Variants in STAG1 observed in about 807,000 individuals in gnomAD.
The protein encoded by STAG1 is cohesin subunit SA-1.
STAG1 carries 26 observed loss-of-function variants against 170.9 expected under a neutral mutation model. The ratio of observed to expected loss-of-function variants is 0.15; its 90% CI spans 0.11 to 0.21. The LOEUF (loss-of-function observed/expected upper bound fraction) is 0.21, where lower values mean the gene tolerates loss of function less well. STAG1 is among the 10% of genes least tolerant of loss of function. STAG1 has a pLI of 1.00. For synonymous variants in STAG1, 514 were observed against 497.7 expected (o/e 1.03, Z -0.44); for missense variants, 964 against 1,509.5 (o/e 0.64, Z 5.99).
intron 15 of STAG1, among the ~76,000 whole-genome samples, chr3:136,435,129 T>C (rs2088418222): frequency 6.6e-6 from 1 of 152,222 alleles, no homozygotes; most frequent in Non-Finnish European, 1.5e-5. Context: ...TTCAACCAAC[T>C]TGAATATATA....
intron 22 of STAG1, among the ~76,000 whole-genome samples, chr3:136,394,130 T>A (rs2087084872): frequency 6.6e-6 from 1 of 152,126 alleles, no homozygotes; most frequent in Admixed American, 6.6e-5. Flanking sequence ...ATAATCTCTA[T>A]CTCTTGACCT....
At chr3:136,453,446 C>A (rs2089005069) in intron 13 of STAG1, among the ~76,000 whole-genome samples, 1 of 151,884 alleles carries the variant, frequency 6.6e-6, no homozygotes, top group African/African-American at 2.4e-5. Context: ...AAAAAATTAG[C>A]CGGGCGTGGT....
chr3:136,746,725 G>C (rs1463080380), intron 1 of STAG1, among the ~76,000 whole-genome samples: 1 of 152,170 alleles, frequency 6.6e-6, no homozygotes, highest in Non-Finnish European at 1.5e-5. Flanking sequence ...AAGGCAAGCA[G>C]ACTGCCTGAG....
intron 14 of STAG1, among the ~76,000 whole-genome samples, chr3:136,445,468 A>T (rs1217104363): frequency 6.6e-6 from 1 of 152,220 alleles, no homozygotes; most frequent in Non-Finnish European, 1.5e-5. Context: ...TAAATTAAAG[A>T]GCTTTATTTT....
chr3:136,630,813 T>A, intron 2 of STAG1, 57 bp downstream of exon 2: 1 of 1,227,956 alleles, frequency 8.1e-7, no homozygotes, highest in Admixed American at 2.3e-5. Context: ...GATAAAGAAA[T>A]AAGTTGTCCA....
At chr3:136,471,048 C>T (rs983482842) in intron 12 of STAG1, among the ~76,000 whole-genome samples, 1 of 151,480 alleles carries the variant, frequency 6.6e-6, no homozygotes, top group Non-Finnish European at 1.5e-5. Flanking sequence ...GTGAGTGCAG[C>T]ACACCAACAC....
chr3:136,371,076 T>C (rs1004409951), intron 23 of STAG1, among the ~76,000 whole-genome samples: 1 of 152,110 alleles, frequency 6.6e-6, no homozygotes, highest in Non-Finnish European at 1.5e-5. Context: ...TGGTATCTCA[T>C]TGTGGTTTTG....
intron 4 of STAG1, among the ~76,000 whole-genome samples, chr3:136,598,386 A>G (rs967650863): frequency 6.6e-6 from 1 of 151,600 alleles, no homozygotes; most frequent in Non-Finnish European, 1.5e-5. Flanking sequence ...ACTAATATTC[A>G]CATTACAACT....
At chr3:136,565,047 AGGGAGGGAGGGAGGGAGGGAG>A (rs1937012957) in intron 5 of STAG1, among the ~76,000 whole-genome samples, 1 of 6,696 alleles carries the variant, frequency 1.5e-4, no homozygotes, top group Non-Finnish European at 2.7e-4. Context: ...GGCAGAAGGG[AGGGAGGGAGGGAGGGAGGGAG>A]GGAGGGAGGG....
At chr3:136,624,512 A>T (rs1940007240) in intron 2 of STAG1, among the ~76,000 whole-genome samples, 1 of 152,208 alleles carries the variant, frequency 6.6e-6, no homozygotes, top group Non-Finnish European at 1.5e-5. Context: ...TAAAATTATA[A>T]AGACATTTGT....
chr3:136,545,057 CTTT>C (rs964376872), intron 5 of STAG1, among the ~76,000 whole-genome samples: 1 of 150,636 alleles, frequency 6.6e-6, no homozygotes, highest in Admixed American at 6.6e-5. Flanking sequence ...TTTTTTATTT[CTTT>C]TTTTTTGAGA....
chr3:136,339,870 T>C (rs1256054448), intron 32 of STAG1, among the ~76,000 whole-genome samples: 1 of 152,214 alleles, frequency 6.6e-6, no homozygotes, highest in Non-Finnish European at 1.5e-5. Context: ...AGAAGTCCCA[T>C]ATTCGGCATT....
chr3:136,534,231 ATC>A (rs1320734969), intron 6 of STAG1, among the ~76,000 whole-genome samples: 1 of 152,184 alleles, frequency 6.6e-6, no homozygotes, highest in East Asian at 1.9e-4. Flanking sequence ...CTGAACCCCT[ATC>A]TCTCACGTTA....
At chr3:136,689,445 T>C (rs555046795) in intron 1 of STAG1, among the ~76,000 whole-genome samples, 2 of 152,354 alleles carry the variant, frequency 1.3e-5, no homozygotes, top group East Asian at 3.9e-4. Context: ...GAAATCAATT[T>C]GTCAGTTATC....
rs914809680 is a variant in STAG1, at chr3:136,477,272, A to G, written c.1026+17T>C. On this transcript the variant is annotated intron_variant, in intron 10 of 33. Coordinates refer to ENST00000383202, the MANE Select transcript of STAG1 (RefSeq NM_005862.3). The stretch of plus-strand genomic sequence containing the variant: ...ACAAACATAACTTCCATCAAAGCTT[A>G]GAACAGAGTAACTTACCCTGTCATG... 1.2e-6 allele frequency: 2 copies of G among 1,604,730 alleles called. No individual in the cohort carries two copies. The highest frequency in any genetic ancestry group is 1.7e-5 in the Admixed American group (1 of 58,358).
chr3:136,384,143 G>C (rs1010579425), intron 22 of STAG1, among the ~76,000 whole-genome samples: 2 of 151,970 alleles, frequency 1.3e-5, no homozygotes, highest in Admixed American at 1.3e-4. Context: ...TGCAGAGACA[G>C]GCAGCATTAT....
intron 26 of STAG1, among the ~76,000 whole-genome samples, chr3:136,361,486 T>C (rs1936860506): frequency 1.3e-5 from 2 of 152,236 alleles, no homozygotes; most frequent in South Asian, 2.1e-4. Context: ...TGGAATATAC[T>C]ACAAAACTGT....
intron 3 of STAG1, among the ~76,000 whole-genome samples, chr3:136,607,316 T>C (rs1169732040): frequency 6.6e-6 from 1 of 152,226 alleles, no homozygotes; most frequent in African/African-American, 2.4e-5. Flanking sequence ...TTGTCTATTC[T>C]CAACCATTTA....
chr3:136,588,783 G>C (rs973229447), intron 4 of STAG1, among the ~76,000 whole-genome samples: 2 of 151,732 alleles, frequency 1.3e-5, no homozygotes, highest in African/African-American at 2.4e-5. Context: ...GGTTTTGTGA[G>C]ATGGGAGTCT....
Sources: gnomAD v4.1 joint callset for allele counts (sites outside exome capture counted in the v4.1 genomes callset) on GRCh38, gnomAD v4.1.1 for gene constraint, MANE v1.5 for transcripts, NCBI Gene and HGNC (gene_info 2026-07-23, HGNC 2026-07-21) for gene names.